Variants in RYR1 observed in about 807,000 individuals in gnomAD.
RYR1 encodes ryanodine receptor 1.
A neutral mutation model predicts 583.5 loss-of-function variants in RYR1; 342 were observed. The observed-to-expected ratio is 0.59, with a 90% confidence interval of 0.54 to 0.64. The LOEUF (loss-of-function observed/expected upper bound fraction) is 0.64. Ranked by LOEUF, RYR1 falls within the 30% of genes least tolerant of loss-of-function variation. The pLI, the probability that RYR1 is intolerant of heterozygous loss-of-function variation, is 0.00. For synonymous variants in RYR1, 2,791 were observed against 2,822.5 expected, an observed-to-expected ratio of 0.99 and a Z score of 0.35; for missense variants, 6,032 against 6,917.2, an observed-to-expected ratio of 0.87 and a Z score of 4.54.
chr19:38,451,238 G>T (rs924474494), intron 11 of RYR1, among the ~76,000 whole-genome samples: 1 of 152,244 alleles, frequency 6.6e-6, no homozygotes, highest in Admixed American at 6.5e-5. Context: ...GTGGGGACAC[G>T]TGAGCATCAT....
At chr19:38,464,759 C>T (rs1968002932) in intron 23 of RYR1, 37 bp downstream of exon 23, 4 of 1,530,864 alleles carry the variant, frequency 2.6e-6, no homozygotes, top group African/African-American at 1.4e-5. Context: ...TGGGGATGGA[C>T]TGGGGGCTGG....
At chr19:38,437,833 C>G (rs1255799814) in intron 1 of RYR1, among the ~76,000 whole-genome samples, 1 of 151,282 alleles carries the variant, frequency 6.6e-6, no homozygotes, top group East Asian at 1.9e-4. Flanking sequence ...ATATATATAT[C>G]TTAAATTAGC....
rs372914111 is a variant in RYR1 at position 38,499,620 on chromosome 19, C to G, written c.7028-15C>G. Reference sequence around the variant, plus strand: ...GGTGGCTCATGAGACCCCCTTTCCCCATGCGGGTGGCCAGGCGAGAGCGTG... The same window carrying G: ...GGTGGCTCATGAGACCCCCTTTCCCGATGCGGGTGGCCAGGCGAGAGCGTG... On this transcript the variant is annotated splice_polypyrimidine_tract_variant and intron_variant, in intron 43 of 105. Coordinates refer to ENST00000359596, the MANE Select transcript of RYR1 (RefSeq NM_000540.3). The surrounding 1 kb of genome is among the most constrained non-coding windows in gnomAD (Gnocchi z 7.3). 15 of 1,596,948 alleles carry G rather than the reference C, an allele frequency of 9.4e-6. No individual in the cohort carries two copies. Among genetic ancestry groups the G allele is most frequent in the African/African-American group, 1.3e-5 (1 of 74,818 alleles).
intron 93 of RYR1, among the ~76,000 whole-genome samples, chr19:38,568,896 G>A (rs568169744): frequency 2.0e-5 from 3 of 152,312 alleles, no homozygotes; most frequent in South Asian, 4.1e-4. Flanking sequence ...CTGGCCGTGC[G>A]AGGGGGCTCA....
chr19:38,571,538 G>A (rs1344621694), intron 94 of RYR1, among the ~76,000 whole-genome samples: 1 of 152,126 alleles, frequency 6.6e-6, no homozygotes, highest in African/African-American at 2.4e-5. Flanking sequence ...GCAGGAGGCT[G>A]AGGCAGTAGA....
At chr19:38,463,640 G>T in intron 21 of RYR1, 107 bp from the exon 22 acceptor site, 1 of 1,455,044 alleles carries the variant, frequency 6.9e-7, no homozygotes, top group South Asian at 1.1e-5. Flanking sequence ...GGGGTCCTTG[G>T]ACTGAGGGTG....
In RYR1 at chr19:38,565,793, TG is replaced by T; in HGVS notation, c.13437+26del. The T allele has an allele frequency of 7.3e-7, 1 of 1,375,848 alleles. No individual in the cohort carries two copies. The allele number at this position is 1,375,848 out of a possible 1,614,324, so 85.2% of individuals were successfully genotyped here. A position where few individuals can be genotyped will look rare whatever the true frequency, so the allele number is the denominator to read the frequency against. On this transcript the variant is annotated intron_variant, in intron 91 of 105. Coordinates refer to ENST00000359596, the MANE Select transcript of RYR1 (RefSeq NM_000540.3). This position sits in a 1 kb window ranked among gnomAD's most constrained non-coding sequence, Gnocchi z 4.7. ...GGGGGTGAGAGAGCAGGCGGGGTTT[TG>T]GGGTTTTGGAAAGATGGGGGATTGG...
At position 38,504,241 on chromosome 19, in the gene RYR1, C is replaced by A; in HGVS notation, c.7948C>A (p.Arg2650Ser). 6.2e-7 allele frequency: 1 copy of A among 1,613,822 alleles called. No individual in the cohort carries two copies. The highest frequency in any genetic ancestry group is 8.5e-7 in the Non-Finnish European group (1 of 1,179,904). ...PLKLLTNHYE[R>S]CWKYYCLPTG... ...CCAGCTCCTCACCAACCACTATGAG[C>A]GCTGTTGGAAGTACTACTGCCTACC... The change falls in exon 50 of 106, where the codon CGC (arginine) becomes AGC (serine). Residue 2650 changes from arginine (R) to serine (S), a missense_variant. By Grantham distance (110) the Arg-to-Ser change is moderately radical. This residue lies in a region of RYR1 where 1,493 missense variants were observed against 1,715.5 expected (regional missense o/e 0.87). Coordinates refer to ENST00000359596, the MANE Select transcript of RYR1 (RefSeq NM_000540.3).
chr19:38,585,517 G>C (rs539506868), intron 102 of RYR1, among the ~76,000 whole-genome samples: 3 of 149,710 alleles, frequency 2.0e-5, no homozygotes, highest in Admixed American at 1.3e-4. Flanking sequence ...TCTGTTGCCC[G>C]GGCCAGAGTT....
chr19:38,478,606 T>C lies in RYR1; in HGVS notation c.4620+6T>C, dbSNP rs1340250019. On this transcript the variant is annotated splice_donor_region_variant and intron_variant, in intron 31 of 105. Coordinates refer to ENST00000359596, the MANE Select transcript of RYR1 (RefSeq NM_000540.3). ...AGAGCAACACCTTTTTCCAGGTGAGTCCAGGCCACAGCAATTTAGCGAGAG... is the reference window on the plus strand; with the variant it reads ...AGAGCAACACCTTTTTCCAGGTGAGCCCAGGCCACAGCAATTTAGCGAGAG... The C allele has an allele frequency of 6.2e-7, 1 of 1,609,168 alleles. No individual in the cohort carries two copies. The highest frequency in any genetic ancestry group is 1.3e-5 in the African/African-American group (1 of 74,810).
chr19:38,567,810 A>C lies in RYR1; in HGVS notation c.13552A>C (p.Thr4518Pro), dbSNP rs900756089. The C allele has an allele frequency of 1.2e-6, 2 of 1,614,146 alleles. No homozygotes were observed. Among genetic ancestry groups the C allele is most frequent in the Non-Finnish European group, 1.7e-6 (2 of 1,180,016 alleles). ...GGAGAAGGAAGAAGTTCCCGAGCCC[A>C]CACCAGAGCCCCCCAAGAAGCAAGC... ...NGEKEEVPEPTPEPPKKQAPP... is the reference protein window; with the variant it reads ...NGEKEEVPEPPPEPPKKQAPP... The change falls in exon 93 of 106, where the codon ACA becomes CCA. Residue 4518 changes from threonine to proline, a missense_variant. Thr to Pro is a conservative substitution (Grantham distance 38, BLOSUM62 -1). Coordinates refer to ENST00000359596, the MANE Select transcript of RYR1 (RefSeq NM_000540.3).
rs139297179 is a variant in RYR1 at position 38,459,798 on chromosome 19, A to G, written c.2360+460A>G. On this transcript the variant is annotated intron_variant, in intron 19 of 105. Coordinates refer to ENST00000359596, the MANE Select transcript of RYR1 (RefSeq NM_000540.3). ...CCCCTAATGACTTCAGACTCTTCCA[A>G]TGACACCATACTCTCTCAATAATCT... Among the ~76,000 whole-genome samples, 13 of 152,098 alleles carry G rather than the reference A, an allele frequency of 8.5e-5. No homozygotes were observed. The East Asian group carries it at 2.5e-3, about 29-fold the overall frequency.
intron 57 of RYR1, 139 bp downstream of exon 57, chr19:38,507,091 A>C: frequency 7.2e-7 from 1 of 1,383,260 alleles, no homozygotes; most frequent in East Asian, 2.9e-5. Flanking sequence ...GGGAGGAGCT[A>C]AGGGAGTGGG....
intron 20 of RYR1, among the ~76,000 whole-genome samples, chr19:38,462,937 C>T (rs1036370851): frequency 8.4e-6 from 1 of 119,082 alleles, no homozygotes; most frequent in Non-Finnish European, 1.6e-5. Flanking sequence ...TGCTCTGTTG[C>T]CCAGGCTGAA....
intron 2 of RYR1, 80 bp downstream of exon 2, chr19:38,440,944 T>G: frequency 7.0e-7 from 1 of 1,431,418 alleles, no homozygotes; most frequent in Non-Finnish European, 9.5e-7. Context: ...AAGAGGGTTC[T>G]GGGAGTCTGA....
intron 87 of RYR1, among the ~76,000 whole-genome samples, chr19:38,545,735 T>A (rs1263726013): frequency 6.6e-6 from 1 of 151,876 alleles, no homozygotes; most frequent in Non-Finnish European, 1.5e-5. Context: ...TGCTTGAACC[T>A]GGGAGGCAGA....
At chr19:38,489,649 G>A (rs924664000) in intron 35 of RYR1, among the ~76,000 whole-genome samples, 3 of 152,072 alleles carry the variant, frequency 2.0e-5, no homozygotes, top group African/African-American at 4.8e-5. Context: ...TGTTTTTTGC[G>A]ACAGAATTTT....
chr19:38,507,841 C>T lies in RYR1; in HGVS notation c.8932+14C>T. On this transcript the variant is annotated intron_variant, in intron 58 of 105. Transcript: ENST00000359596. ...TTGCCCACCTGGGTACGGAGAAATA[C>T]CCCCCGCTTATGCCCGCCCCACCTG... The T allele has an allele frequency of 6.5e-7, 1 of 1,545,960 alleles. No homozygotes were observed. The highest frequency in any genetic ancestry group is 8.9e-7 in the Non-Finnish European group (1 of 1,127,692).
rs375865052 is a variant in RYR1 at position 38,466,150 on chromosome 19, C to T, written c.2930C>T (p.Thr977Met). The change falls in exon 24 of 106, where the codon ACG becomes ATG. Residue 977 changes from threonine to methionine, a missense_variant. By Grantham distance (81) the Thr-to-Met change is moderately conservative. Coordinates refer to ENST00000359596, the MANE Select transcript of RYR1 (RefSeq NM_000540.3). ...APLDLSHVRL[T>M]PAQTTLVDRL... ...CTGGACCTGAGCCACGTGCGGCTGA[C>T]GCCGGCGCAGACGACACTGGTGGAC... The T allele has an allele frequency of 7.4e-6, 12 of 1,613,184 alleles. No individual in the cohort carries two copies. The highest frequency in any genetic ancestry group is 2.7e-5 in the African/African-American group (2 of 74,912).
Sources: gnomAD v4.1 joint callset for allele counts (sites outside exome capture counted in the v4.1 genomes callset) on GRCh38, gnomAD v4.1.1 for gene constraint, gnomAD v4.1.1 regional missense constraint, Gnocchi (gnomAD v3.1) non-coding constraint, MANE v1.5 for transcripts, NCBI Gene and HGNC (gene_info 2026-07-23, HGNC 2026-07-21) for gene names.